The following SEC22A variants were observed in gnomAD, a reference collection of about 807,000 sequenced individuals.
The protein encoded by SEC22A is SEC22 homolog A, vesicle trafficking protein.
SEC22A carries 22 observed loss-of-function variants against 35.3 expected under a neutral mutation model. That is an observed-to-expected ratio of 0.62 (90% confidence interval 0.45 to 0.89). SEC22A has a LOEUF of 0.89. SEC22A is among the 40% of genes least tolerant of loss of function. SEC22A has a pLI of 0.00. For synonymous variants in SEC22A, 119 were observed against 129.5 expected (o/e 0.92, Z 0.55); for missense variants, 354 against 362.5 (o/e 0.98, Z 0.19).
intron 1 of SEC22A, among the ~76,000 whole-genome samples, chr3:123,205,994 A>G (rs776133506): frequency 5.9e-5 from 9 of 152,240 alleles, no homozygotes; most frequent in Non-Finnish European, 1.0e-4. Context: ...CTGTCCTCCA[A>G]GTCACTAAAG....
intron 2 of SEC22A, among the ~76,000 whole-genome samples, chr3:123,220,523 A>G (rs981381229): frequency 1.3e-5 from 2 of 152,196 alleles, no homozygotes; most frequent in African/African-American, 4.8e-5. Context: ...GATCCTTAAG[A>G]GATACATTTT....
At chr3:123,234,656 G>GA (rs1937384312) in intron 4 of SEC22A, among the ~76,000 whole-genome samples, 1 of 151,954 alleles carries the variant, frequency 6.6e-6, no homozygotes, top group African/African-American at 2.4e-5. Flanking sequence ...ACTTTTAGGA[G>GA]AAAACATACA....
intron 4 of SEC22A, among the ~76,000 whole-genome samples, chr3:123,233,654 CAA>C: frequency 6.7e-6 from 1 of 149,830 alleles, no homozygotes; most frequent in Non-Finnish European, 1.5e-5. Flanking sequence ...AACAAACAAA[CAA>C]AAAAAAACAC....
At chr3:123,203,053 C>CCTTTTTTTTTTTTTTTTTTT in intron 1 of SEC22A, among the ~76,000 whole-genome samples, 1 of 43,822 alleles carries the variant, frequency 2.3e-5, no homozygotes. Context: ...TGTTTAGTGC[C>CCTTTTTTTTTTTTTTTTTTT]TTTTTTTTTT....
At chr3:123,261,736 A>G (rs1937897886) in intron 6 of SEC22A, among the ~76,000 whole-genome samples, 1 of 152,212 alleles carries the variant, frequency 6.6e-6, no homozygotes, top group Admixed American at 6.5e-5. Flanking sequence ...AAATCCTCAC[A>G]AAAAGGAGGA....
rs182487218 is a variant in SEC22A at position 123,205,557 on chromosome 3, G to A, written c.-20+3571G>A. On this transcript the variant is annotated intron_variant, in intron 1 of 6. Transcript: ENST00000492595. ...ACAAAAATTAGCCAGGCATGGTGGC[G>A]GGCACCTGTAATCCCAGCTACTTGG... 1.6e-3 allele frequency among the ~76,000 whole-genome samples: 249 copies of A among 152,114 alleles called. 1 individual carries two copies. Among genetic ancestry groups the A allele is most frequent in the Admixed American group, 2.4e-3 (37 of 15,264 alleles).
chr3:123,230,748 G>A (rs1937312203), intron 4 of SEC22A, among the ~76,000 whole-genome samples: 1 of 145,230 alleles, frequency 6.9e-6, no homozygotes, highest in African/African-American at 2.6e-5. Flanking sequence ...GCCAAAAAAG[G>A]CATGAGATGG....
chr3:123,245,781 A>C (rs1353544613), intron 4 of SEC22A, 118 bp from the exon 5 acceptor site: 4 of 635,056 alleles, frequency 6.3e-6, no homozygotes, highest in Non-Finnish European at 1.1e-5. Flanking sequence ...ATGGTGTTAA[A>C]TAATTCTATG....
intron 2 of SEC22A, among the ~76,000 whole-genome samples, chr3:123,213,434 G>A (rs1343743368): frequency 2.0e-5 from 3 of 152,132 alleles, no homozygotes; most frequent in African/African-American, 7.2e-5. Context: ...CCACCATGCT[G>A]TCCCTCTTTT....
chr3:123,270,550 A>G (rs1389346946), intron 6 of SEC22A, among the ~76,000 whole-genome samples: 2 of 152,212 alleles, frequency 1.3e-5, no homozygotes, highest in Admixed American at 6.5e-5. Context: ...CACTCAACAC[A>G]TTGAGCACTT....
At chr3:123,257,057 T>TGG (rs1366971817) in intron 5 of SEC22A, among the ~76,000 whole-genome samples, 3 of 151,954 alleles carry the variant, frequency 2.0e-5, no homozygotes, top group African/African-American at 7.2e-5. Flanking sequence ...CCGCCCTGGC[T>TGG]GGACTTAACT....
intron 5 of SEC22A, among the ~76,000 whole-genome samples, chr3:123,249,449 G>T (rs143106565): frequency 5.1e-4 from 77 of 152,190 alleles, no homozygotes; most frequent in African/African-American, 1.7e-3. Flanking sequence ...TAGAATAAAA[G>T]ATGCTCTTAT....
In SEC22A at chr3:123,272,917, A is replaced by G. The variant is rs369540464; in HGVS notation, c.*1195A>G. 5.2e-5 allele frequency: 8 copies of G among 153,932 alleles called. No individual in the cohort carries two copies. The highest frequency in any genetic ancestry group is 1.9e-4 in the African/African-American group (8 of 41,594). The allele number at this position is 153,932 out of a possible 1,614,324, so 9.5% of individuals were successfully genotyped here. ...TATGGCTTTGAGGAATTAAGCCCCT[A>G]GTATCTGAGAGAACTTACTTGTTTT... On this transcript the variant is annotated 3_prime_UTR_variant, in exon 7 of 7. Coordinates refer to ENST00000492595, the MANE Select transcript of SEC22A (RefSeq NM_012430.5).
intron 6 of SEC22A, among the ~76,000 whole-genome samples, chr3:123,267,287 C>CT (rs143265494): frequency 0.2 from 29,238 of 147,918 alleles, 2,946 homozygotes; most frequent in Middle Eastern, 0.27. Flanking sequence ...TTTCTTTTTT[C>CT]TTTTTTTTCT....
intron 4 of SEC22A, among the ~76,000 whole-genome samples, chr3:123,237,553 T>A (rs1937444212): frequency 6.6e-6 from 1 of 152,168 alleles, no homozygotes; most frequent in Admixed American, 6.5e-5. Flanking sequence ...TTGATGATAT[T>A]TGGATTGGGG....
intron 5 of SEC22A, 124 bp downstream of exon 5, chr3:123,246,138 T>A (rs2108078104): frequency 1.9e-5 from 11 of 590,628 alleles, no homozygotes; most frequent in Non-Finnish European, 3.0e-5. Flanking sequence ...TATGTTTTTT[T>A]ATATCTGCTT....
chr3:123,248,192 C>T (rs931598697), intron 5 of SEC22A, among the ~76,000 whole-genome samples: 6 of 152,082 alleles, frequency 3.9e-5, no homozygotes, highest in Non-Finnish European at 5.9e-5. Context: ...CAACATCATA[C>T]TGGAAGTTCT....
intron 5 of SEC22A, among the ~76,000 whole-genome samples, chr3:123,255,269 CGTTTT>C (rs753495813): frequency 5.5e-4 from 83 of 152,162 alleles, no homozygotes; most frequent in Admixed American, 9.8e-4. Flanking sequence ...TGTTTTCTCC[CGTTTT>C]GTTTTGTTTT....
intron 5 of SEC22A, among the ~76,000 whole-genome samples, chr3:123,253,495 C>T (rs1182792862): frequency 1.5e-5 from 2 of 133,326 alleles, no homozygotes; most frequent in African/African-American, 2.8e-5. Context: ...AGGTGGATCA[C>T]GAGGTCAGGA....
Sources: allele counts gnomAD v4.1 joint callset (sites outside exome capture counted in the v4.1 genomes callset), GRCh38; gene constraint gnomAD v4.1.1; transcripts MANE v1.5; gene names NCBI Gene and HGNC (gene_info 2026-07-23, HGNC 2026-07-21).